Variants in PRDM5 observed in about 807,000 individuals in gnomAD.
PRDM5 encodes PR/SET domain 5.
A neutral mutation model predicts 81.2 loss-of-function variants in PRDM5; 56 were observed. That is an observed-to-expected ratio of 0.69 (90% CI 0.56 to 0.86). The LOEUF (loss-of-function observed/expected upper bound fraction) is 0.86. PRDM5 is among the 40% of genes least tolerant of loss of function. The pLI is 0.00. For missense variants in PRDM5, 697 were observed against 770.1 expected, an observed-to-expected ratio of 0.91 and a Z score of 1.12; for synonymous variants, 267 against 256.4, an observed-to-expected ratio of 1.04 and a Z score of -0.39.
In PRDM5 at chr4:120,922,541, A is replaced by G; in HGVS notation, c.68T>C (p.Leu23Pro). The G allele has an allele frequency of 6.2e-7, 1 of 1,610,142 alleles. No homozygotes were observed. Among genetic ancestry groups the G allele is most frequent in the Non-Finnish European group, 8.5e-7 (1 of 1,178,716 alleles). Residue 23 changes from leucine to proline, a missense_variant, in exon 1 of 16, where the codon CTC becomes CCC. Leu to Pro is a moderately conservative substitution (Grantham distance 98). This residue lies in a region of PRDM5 where 577 missense variants were observed against 606.7 expected (regional missense o/e 0.95). Coordinates refer to ENST00000264808, the MANE Select transcript of PRDM5 (RefSeq NM_018699.4). ...CTTTCGCACTCTGCGGGCCGTGTAG[A>G]GCCCCATGCCGTCCTGAACCCGGGA... ...KSSRVQDGMG[L>P]YTARRVRKGE...
chr4:120,818,289 T>C (rs1754806457), intron 5 of PRDM5, 64 bp downstream of exon 5: 1 of 1,545,908 alleles, frequency 6.5e-7, no homozygotes, highest in Admixed American at 1.7e-5. Flanking sequence ...AAACTATGAG[T>C]TAAGCTGAAT....
chr4:120,816,881 G>C lies in PRDM5; in HGVS notation c.694C>G (p.Arg232Gly), dbSNP rs1455476600. 1.9e-6 allele frequency: 3 copies of C among 1,613,736 alleles called. No individual in the cohort carries two copies. In the African/African-American group the frequency reaches 4.0e-5, roughly 22 times the overall value. ...TTGCAAACAGAGCACTGAAAACTTC[G>C]CGAAGACTCCTTTAGACTGCTTTTC... The part of the protein sequence containing the change: ...TAKSSLKESS[R>G]SFQCSVCNSS... Residue 232 changes from arginine to glycine, a missense_variant, in exon 6 of 16, where the codon CGA (arginine) becomes GGA (glycine). Around this residue, in one of 3 missense-constraint regions of PRDM5, gnomAD observed 577 missense variants for 606.7 expected, o/e 0.95. Coordinates refer to ENST00000264808, the MANE Select transcript of PRDM5 (RefSeq NM_018699.4).
intron 13 of PRDM5, 94 bp downstream of exon 13, chr4:120,777,094 T>C: frequency 5.0e-6 from 8 of 1,599,990 alleles, no homozygotes; most frequent in Non-Finnish European, 6.8e-6. Flanking sequence ...ATTCTTAATC[T>C]GGAAGATATT....
At chr4:120,761,312 G>C (rs76786840) in intron 13 of PRDM5, among the ~76,000 whole-genome samples, 4,991 of 152,186 alleles carry the variant, frequency 0.033, 115 homozygotes, top group Non-Finnish European at 0.052. Context: ...AGCCCAGCCT[G>C]GCCCCAACAA....
chr4:120,803,834 A>C (rs570251059), intron 8 of PRDM5, among the ~76,000 whole-genome samples: 2 of 152,226 alleles, frequency 1.3e-5, no homozygotes, highest in African/African-American at 4.8e-5. Flanking sequence ...TAATGATAGG[A>C]TCAAATTCAC....
chr4:120,692,455 G>T lies in PRDM5; in HGVS notation c.*2656C>A, dbSNP rs994158311. On this transcript the variant is annotated 3_prime_UTR_variant, in exon 16 of 16. Transcript: ENST00000264808. ...TTATCACCAAGAATACTTCCATGGT[G>T]CAACTGCTGATTATAATTTACCAAT... 29 of 151,956 alleles carry T rather than the reference G, an allele frequency of 1.9e-4. No homozygotes were observed. The highest frequency in any genetic ancestry group is 6.8e-4 in the African/African-American group (28 of 41,386). 9.4% of individuals were successfully genotyped at this position (151,956 alleles called of 1,614,324 possible).
intron 2 of PRDM5, among the ~76,000 whole-genome samples, chr4:120,867,556 TC>T (rs1761327168): frequency 6.6e-6 from 1 of 152,184 alleles, no homozygotes; most frequent in Admixed American, 6.5e-5. Context: ...AAATATTTTT[TC>T]TATTGCTCTT....
At chr4:120,800,602 T>C (rs1366737590) in intron 8 of PRDM5, among the ~76,000 whole-genome samples, 1 of 151,348 alleles carries the variant, frequency 6.6e-6, no homozygotes, top group Non-Finnish European at 1.5e-5. Flanking sequence ...AAGTAGCAGG[T>C]ATGCAGGATG....
intron 3 of PRDM5, among the ~76,000 whole-genome samples, chr4:120,841,248 T>C (rs4833686): frequency 0.21 from 31,625 of 152,192 alleles, 3,771 homozygotes; most frequent in Non-Finnish European, 0.28. Flanking sequence ...ACAAATTACA[T>C]TGAGTACAGT....
chr4:120,768,591 T>C (rs1578658735), intron 13 of PRDM5, among the ~76,000 whole-genome samples: 1 of 152,220 alleles, frequency 6.6e-6, no homozygotes, highest in Non-Finnish European at 1.5e-5. Context: ...AGATCTCTAC[T>C]AGATGAGATT....
At chr4:120,902,443 G>T (rs1183134088) in intron 2 of PRDM5, among the ~76,000 whole-genome samples, 1 of 152,204 alleles carries the variant, frequency 6.6e-6, no homozygotes, top group Non-Finnish European at 1.5e-5. Flanking sequence ...GAATGAGTCT[G>T]AATTAGTAGA....
downstream of PRDM5, among the ~76,000 whole-genome samples, chr4:120,690,613 A>T (rs1369215633): frequency 6.6e-6 from 1 of 152,204 alleles, no homozygotes; most frequent in Admixed American, 6.6e-5. Flanking sequence ...AAGGAAAGAA[A>T]GCATTATTAG....
intron 15 of PRDM5, among the ~76,000 whole-genome samples, chr4:120,701,512 G>C (rs974206383): frequency 4.6e-5 from 7 of 152,188 alleles, no homozygotes; most frequent in Non-Finnish European, 1.0e-4. Context: ...AAAAAAGAAT[G>C]AAATCATGTC....
At chr4:120,712,814 A>G (rs967743895) in intron 14 of PRDM5, among the ~76,000 whole-genome samples, 1 of 152,208 alleles carries the variant, frequency 6.6e-6, no homozygotes, top group African/African-American at 2.4e-5. Flanking sequence ...GGCATATGAC[A>G]TTAAATAGCT....
chr4:120,754,771 C>T, intron 13 of PRDM5, 133 bp from the exon 14 acceptor site: 4 of 713,104 alleles, frequency 5.6e-6, no homozygotes, highest in Non-Finnish European at 7.6e-6. Context: ...GCTCCAGGCA[C>T]AGCAGGGCAG....
intron 3 of PRDM5, among the ~76,000 whole-genome samples, chr4:120,845,844 G>A (rs2149402700): frequency 6.6e-6 from 1 of 152,326 alleles, no homozygotes. Flanking sequence ...AAGAACATGT[G>A]TGATTCATGA....
At chr4:120,846,571 T>C (rs1220100501) in intron 3 of PRDM5, among the ~76,000 whole-genome samples, 1 of 152,226 alleles carries the variant, frequency 6.6e-6, no homozygotes, top group Non-Finnish European at 1.5e-5. Context: ...AGTATAAATA[T>C]AACGTTTACA....
intron 3 of PRDM5, among the ~76,000 whole-genome samples, chr4:120,848,414 T>C (rs1758895251): frequency 6.6e-6 from 1 of 152,156 alleles, no homozygotes; most frequent in Non-Finnish European, 1.5e-5. Flanking sequence ...ACATATAATC[T>C]GGATTCAAAT....
intron 14 of PRDM5, 61 bp downstream of exon 14, chr4:120,754,492 T>G (rs1001096002): frequency 1.7e-6 from 2 of 1,183,452 alleles, no homozygotes; most frequent in African/African-American, 3.1e-5. Context: ...GTTAAATATA[T>G]TTCTTTTAAA....
Sources: allele counts gnomAD v4.1 joint callset (sites outside exome capture counted in the v4.1 genomes callset), GRCh38; gene constraint gnomAD v4.1.1; regional missense constraint gnomAD v4.1.1; transcripts MANE v1.5; gene names NCBI Gene and HGNC (gene_info 2026-07-23, HGNC 2026-07-21).